Variants in PREX1 observed in about 807,000 individuals in gnomAD.
PREX1 encodes phosphatidylinositol-3,4,5-trisphosphate dependent Rac exchange factor 1, also known as phosphatidylinositol 3,4,5-trisphosphate-dependent Rac exchanger 1 protein.
PREX1 carries 41 observed loss-of-function variants against 198.3 expected under a neutral mutation model. The ratio of observed to expected loss-of-function variants is 0.21; its 90% confidence interval spans 0.16 to 0.27. The LOEUF (loss-of-function observed/expected upper bound fraction) is 0.27. PREX1 is among the 10% of genes least tolerant of loss of function. The pLI is 1.00. For synonymous variants in PREX1, 843 were observed against 887.2 expected (o/e 0.95, Z 0.89); for missense variants, 1,620 against 2,200.7 (o/e 0.74, Z 5.28).
intron 12 of PREX1, 113 bp downstream of exon 12, chr20:48,679,538 G>T: frequency 2.2e-6 from 3 of 1,373,460 alleles, no homozygotes; most frequent in Non-Finnish European, 3.1e-6. Flanking sequence ...GGTGAGTTGT[G>T]GGCAGTGGAG....
At chr20:48,768,143 G>A (rs961222823) in intron 1 of PREX1, among the ~76,000 whole-genome samples, 1 of 152,156 alleles carries the variant, frequency 6.6e-6, no homozygotes, top group African/African-American at 2.4e-5. Context: ...CCATTCCTAT[G>A]TATGTAACAC....
At chr20:48,849,943 G>A in the PREX1 span, among the ~76,000 whole-genome samples, 1 of 152,104 alleles carries the variant, frequency 6.6e-6, no homozygotes, top group South Asian at 2.1e-4. Context: ...GATGTTCTGG[G>A]TTCATATCAT....
chr20:48,747,801 G>A lies in PREX1; in HGVS notation c.291+8C>T, dbSNP rs779091098. On this transcript the variant is annotated splice_region_variant and intron_variant, in intron 2 of 39. Coordinates refer to ENST00000371941, the MANE Select transcript of PREX1 (RefSeq NM_020820.4). ...CTCTAGAACAGGGGCCAGCCCCAGC[G>A]TCCACACCTTGACATTCTCCTCCGT... 8.1e-6 allele frequency: 13 copies of A among 1,610,734 alleles called. No individual in the cohort carries two copies. Among genetic ancestry groups the A allele is most frequent in the East Asian group, 4.5e-5 (2 of 44,864 alleles).
chr20:48,788,887 G>C (rs1568864656), intron 1 of PREX1, among the ~76,000 whole-genome samples: 1 of 152,192 alleles, frequency 6.6e-6, no homozygotes. Flanking sequence ...TGGCGTGTTA[G>C]TGTGCTCAGC....
chr20:48,763,485 G>C (rs1485658266), intron 1 of PREX1, among the ~76,000 whole-genome samples: 2 of 152,206 alleles, frequency 1.3e-5, no homozygotes, highest in Non-Finnish European at 2.9e-5. Flanking sequence ...GACAATGAGT[G>C]GAATGCGGTC....
At chr20:48,755,058 T>G (rs1457478854) in intron 1 of PREX1, among the ~76,000 whole-genome samples, 1 of 152,204 alleles carries the variant, frequency 6.6e-6, no homozygotes, top group Admixed American at 6.5e-5. Flanking sequence ...ATCTGATTTA[T>G]AATTCCATCA....
At chr20:48,880,158 T>C in the PREX1 span, among the ~76,000 whole-genome samples, 1 of 152,240 alleles carries the variant, frequency 6.6e-6, no homozygotes, top group African/African-American at 2.4e-5. Flanking sequence ...ATGTGCTCAA[T>C]TGTGTAATGC....
At chr20:48,885,598 T>C in the PREX1 span, among the ~76,000 whole-genome samples, 1 of 152,138 alleles carries the variant, frequency 6.6e-6, no homozygotes. Context: ...CAAAAACCTG[T>C]ACATCATGTT....
chr20:48,753,965 A>G (rs149020130), intron 1 of PREX1, among the ~76,000 whole-genome samples: 6 of 152,290 alleles, frequency 3.9e-5, no homozygotes, highest in South Asian at 2.1e-4. Context: ...CTCCCTCACT[A>G]AAGTATCAGC....
At chr20:48,704,847 C>T (rs550009413) in intron 6 of PREX1, among the ~76,000 whole-genome samples, 5 of 152,260 alleles carry the variant, frequency 3.3e-5, no homozygotes, top group South Asian at 4.1e-4. Context: ...TGAGCCACCG[C>T]GCCAGGCTTG....
intron 39 of PREX1, 150 bp downstream of exon 39, chr20:48,627,398 G>A (rs1445232646): frequency 2.3e-6 from 2 of 865,072 alleles, no homozygotes; most frequent in African/African-American, 3.4e-5. Flanking sequence ...TGACAAAGTT[G>A]TGTCTGTTGC....
chr20:48,810,459 C>G (rs1003245961), intron 1 of PREX1, among the ~76,000 whole-genome samples: 6 of 151,834 alleles, frequency 4.0e-5, no homozygotes, highest in Admixed American at 6.6e-5. Context: ...TGACACACAC[C>G]TGTAGTTACA....
At chr20:48,792,238 G>A (rs1340402585) in intron 1 of PREX1, among the ~76,000 whole-genome samples, 2 of 152,168 alleles carry the variant, frequency 1.3e-5, no homozygotes, top group Non-Finnish European at 2.9e-5. Context: ...CACTTTGGGA[G>A]GCCAGGTGGA....
the PREX1 span, among the ~76,000 whole-genome samples, chr20:48,881,996 GATC>G: frequency 7.4e-6 from 1 of 135,218 alleles, no homozygotes. Flanking sequence ...ATATCATACA[GATC>G]ATCATACAAT....
At chr20:48,784,918 C>CTT (rs11484382) in intron 1 of PREX1, among the ~76,000 whole-genome samples, 14 of 147,146 alleles carry the variant, frequency 9.5e-5, no homozygotes, top group East Asian at 3.9e-4. Context: ...TTCTTTCTCT[C>CTT]TTTTTTTTTT....
chr20:48,734,419 G>T, intron 4 of PREX1, 127 bp downstream of exon 4: 1 of 833,196 alleles, frequency 1.2e-6, no homozygotes, highest in Non-Finnish European at 2.0e-6. Flanking sequence ...CCCTGCTTTA[G>T]GCAGGAGATT....
At position 48,774,509 on chromosome 20, in the gene PREX1, C is replaced by A. The variant is rs562686877; in HGVS notation, c.220-26629G>T. 7.2e-5 allele frequency among the ~76,000 whole-genome samples: 11 copies of A among 152,354 alleles called. No individual in the cohort carries two copies. In the South Asian group the frequency reaches 2.3e-3, roughly 32 times the overall value. On this transcript the variant is annotated intron_variant, in intron 1 of 39. Coordinates refer to ENST00000371941, the MANE Select transcript of PREX1 (RefSeq NM_020820.4). ...AGATAGCTTCAAATCCCAGACCTAC[C>A]CTTTTCTTGTTGCATGGCCTGAAGC... is the stretch of plus-strand genomic sequence containing the variant.
intron 27 of PREX1, among the ~76,000 whole-genome samples, chr20:48,644,072 C>T (rs1166035340): frequency 6.6e-6 from 1 of 152,220 alleles, no homozygotes; most frequent in East Asian, 1.9e-4. Context: ...GTTTAGTTGT[C>T]AGCACACGCA....
At chr20:48,697,741 T>C (rs1273054920) in intron 7 of PREX1, among the ~76,000 whole-genome samples, 1 of 152,124 alleles carries the variant, frequency 6.6e-6, no homozygotes, top group Non-Finnish European at 1.5e-5. Context: ...AGCAGGTAGT[T>C]GAGATGCATG....
Sources: gnomAD v4.1 joint callset for allele counts (sites outside exome capture counted in the v4.1 genomes callset) on GRCh38, gnomAD v4.1.1 for gene constraint, MANE v1.5 for transcripts, NCBI Gene and HGNC (gene_info 2026-07-23, HGNC 2026-07-21) for gene names.